Variants in PTK7 observed in about 807,000 individuals in gnomAD.
PTK7 encodes the protein protein tyrosine kinase 7 (inactive), also known as inactive tyrosine-protein kinase 7.
Under a neutral mutation model 116.6 loss-of-function variants are expected in PTK7, and 39 were observed. That is an observed-to-expected ratio of 0.33 (90% CI 0.26 to 0.44). PTK7 has a LOEUF of 0.44. Ranked by LOEUF, PTK7 falls within the 20% of genes least tolerant of loss-of-function variation. The pLI is 1.00. For missense variants in PTK7, 1,169 were observed against 1,425.6 expected (o/e 0.82, Z 2.90); for synonymous variants, 546 against 563.6 (o/e 0.97, Z 0.44).
At chr6:43,130,819 T>C (rs1484955487) in intron 5 of PTK7, among the ~76,000 whole-genome samples, 158 bp downstream of exon 5, 1 of 152,086 alleles carries the variant, frequency 6.6e-6, no homozygotes, top group African/African-American at 2.4e-5. Flanking sequence ...ACAAGATGAG[T>C]CTGACACAGG....
rs1292821659 is a variant in PTK7, at chr6:43,143,412, C to G, written c.2048-5C>G. On this transcript the variant is annotated splice_region_variant and splice_polypyrimidine_tract_variant and intron_variant, in intron 13 of 19. Transcript: ENST00000230419. This position sits in a 1 kb window ranked among gnomAD's most constrained non-coding sequence, Gnocchi z 4.2. Reference sequence around the variant, plus strand: ...CCTGCCCAGACCCATCTGTGTGTCTCTCAGACAAGCCTGTGCCGGAGGAGT... The same window carrying G: ...CCTGCCCAGACCCATCTGTGTGTCTGTCAGACAAGCCTGTGCCGGAGGAGT... 1.2e-6 allele frequency: 2 copies of G among 1,613,462 alleles called. No individual in the cohort carries two copies. Among genetic ancestry groups the G allele is most frequent in the Non-Finnish European group, 1.7e-6 (2 of 1,179,874 alleles).
Position 43,078,469 on chromosome 6 carries a change from G to A in PTK7, c.79+1902G>A, listed in dbSNP as rs150443283. On this transcript the variant is annotated intron_variant, in intron 1 of 19. Transcript: ENST00000230419. ...AAACAATTTCAGTGGAGGCCGAGGC[G>A]CCTGCTGTCTTCTAGTGAAATCCTG... Among the ~76,000 whole-genome samples, 27 of 152,260 alleles carry A rather than the reference G, an allele frequency of 1.8e-4. No individual in the cohort carries two copies. In the East Asian group the frequency reaches 4.8e-3, roughly 27 times the overall value.
At chr6:43,088,547 C>T (rs1361600858) in intron 1 of PTK7, among the ~76,000 whole-genome samples, 1 of 150,496 alleles carries the variant, frequency 6.6e-6, no homozygotes, top group Non-Finnish European at 1.5e-5. Context: ...ACAAAATAAG[C>T]CAGCTGTGGT....
chr6:43,157,688 C>T (rs1269164628), intron 17 of PTK7, among the ~76,000 whole-genome samples: 1 of 151,864 alleles, frequency 6.6e-6, no homozygotes, highest in Non-Finnish European at 1.5e-5. Context: ...TGAGACCAGC[C>T]TGGGCAACGT....
intron 1 of PTK7, among the ~76,000 whole-genome samples, chr6:43,078,168 C>T (rs1407979705): frequency 6.6e-6 from 1 of 152,124 alleles, no homozygotes; most frequent in Non-Finnish European, 1.5e-5. Context: ...GGCTCTTGCT[C>T]AACAAATGCT....
chr6:43,077,803 G>A (rs1329148057), intron 1 of PTK7, among the ~76,000 whole-genome samples: 1 of 152,226 alleles, frequency 6.6e-6, no homozygotes, highest in African/African-American at 2.4e-5. Flanking sequence ...GGGTTTTGGT[G>A]CTGGTGGAAT....
chr6:43,116,734 G>A (rs1385088730), intron 1 of PTK7, among the ~76,000 whole-genome samples: 3 of 152,148 alleles, frequency 2.0e-5, no homozygotes, highest in East Asian at 1.9e-4. Context: ...GGAAACAGAC[G>A]AGGGTGAGTA....
At chr6:43,093,485 C>T (rs185030754) in intron 1 of PTK7, among the ~76,000 whole-genome samples, 2 of 151,972 alleles carry the variant, frequency 1.3e-5, no homozygotes, top group African/African-American at 4.8e-5. Context: ...ACAGAGAAGA[C>T]CAAAGAGAGG....
chr6:43,110,364 T>C (rs1484560260), intron 1 of PTK7, among the ~76,000 whole-genome samples: 1 of 151,926 alleles, frequency 6.6e-6, no homozygotes, highest in East Asian at 1.9e-4. Context: ...ACCATGTTTC[T>C]ATTAGAATTT....
At chr6:43,089,207 G>T (rs755638816) in intron 1 of PTK7, among the ~76,000 whole-genome samples, 5 of 152,152 alleles carry the variant, frequency 3.3e-5, no homozygotes, top group Admixed American at 2.0e-4. Context: ...TCTCTCTTTG[G>T]CTGAACCGTT....
intron 1 of PTK7, among the ~76,000 whole-genome samples, chr6:43,082,393 G>A (rs571958393): frequency 6.6e-6 from 1 of 152,150 alleles, no homozygotes; most frequent in East Asian, 1.9e-4. Context: ...GGTCAGGCTG[G>A]TCTCGAACTC....
At chr6:43,110,237 G>A (rs964660275) in intron 1 of PTK7, among the ~76,000 whole-genome samples, 4 of 151,816 alleles carry the variant, frequency 2.6e-5, no homozygotes, top group Non-Finnish European at 4.4e-5. Context: ...TGATCTGCCT[G>A]CCTCAGCTTT....
chr6:43,157,364 A>ATATATATATATTTTTTT (rs70990168), intron 17 of PTK7, among the ~76,000 whole-genome samples: 8 of 54,350 alleles, frequency 1.5e-4, no homozygotes, highest in African/African-American at 3.6e-4. Context: ...ATATATATAT[A>ATATATATATATTTTTTT]TTTTTTTTTT....
chr6:43,157,984 G>T (rs932437308), intron 17 of PTK7, among the ~76,000 whole-genome samples: 1 of 151,970 alleles, frequency 6.6e-6, no homozygotes, highest in Non-Finnish European at 1.5e-5. Context: ...CCTTGGTAAA[G>T]AATTTTTTTT....
intron 7 of PTK7, among the ~76,000 whole-genome samples, chr6:43,136,688 CT>C (rs1370376364): frequency 6.6e-6 from 1 of 152,136 alleles, no homozygotes; most frequent in Non-Finnish European, 1.5e-5. Context: ...TCACAGGCCA[CT>C]CAGATTCCAG....
chr6:43,150,788 T>A (rs912168942), intron 17 of PTK7, among the ~76,000 whole-genome samples: 1 of 51,920 alleles, frequency 1.9e-5, no homozygotes, highest in African/African-American at 1.4e-4. Context: ...TAGACTCAGC[T>A]TTTTTTTTTT....
chr6:43,120,257 G>A (rs764448587), intron 1 of PTK7, among the ~76,000 whole-genome samples: 8 of 152,286 alleles, frequency 5.3e-5, no homozygotes, highest in South Asian at 2.1e-4. Flanking sequence ...TATTTACTGC[G>A]TGTCCCAGGC....
In PTK7 at chr6:43,143,448, T is replaced by G. The variant is rs773033806; in HGVS notation, c.2079T>G (p.Pro693=). Residue 693 remains proline, a synonymous_variant, in exon 14 of 20, where the codon CCT becomes CCG. Transcript: ENST00000230419. This position sits in a 1 kb window ranked among gnomAD's most constrained non-coding sequence, Gnocchi z 4.2. ...CTGTGCCGGAGGAGTCGGAGGGCCC[T>G]GGCAGCCCTCCCCCCTACAAGATGA... ...DKPVPEESEG[P]GSPPPYKMIQ... 1.2e-5 allele frequency: 20 copies of G among 1,613,900 alleles called. No homozygotes were observed. In the South Asian group the frequency reaches 1.8e-4, roughly 14 times the overall value.
At chr6:43,110,854 C>T (rs1768156837) in intron 1 of PTK7, among the ~76,000 whole-genome samples, 1 of 152,214 alleles carries the variant, frequency 6.6e-6, no homozygotes, top group Non-Finnish European at 1.5e-5. Flanking sequence ...CGTAGTCAGG[C>T]ATTCTCCTTT....
Sources: gnomAD v4.1 joint callset for allele counts (sites outside exome capture counted in the v4.1 genomes callset) on GRCh38, gnomAD v4.1.1 for gene constraint, Gnocchi (gnomAD v3.1) non-coding constraint, MANE v1.5 for transcripts, NCBI Gene and HGNC (gene_info 2026-07-23, HGNC 2026-07-21) for gene names.